AGBL1: variants seen among roughly 807,000 people sequenced by gnomAD.
AGBL1 encodes the protein AGBL carboxypeptidase 1, also known as cytosolic carboxypeptidase 4.
Under a neutral mutation model 118.9 loss-of-function variants are expected in AGBL1, and 130 were observed. That is an observed-to-expected ratio of 1.09 (90% CI 0.95 to 1.26). AGBL1 has a LOEUF of 1.26. Ranked by LOEUF, AGBL1 falls within the 50% of genes most tolerant of loss-of-function variation. The pLI, the probability that AGBL1 is intolerant of heterozygous loss-of-function variation, is 0.00. For synonymous variants in AGBL1, 555 were observed against 478.9 expected, an observed-to-expected ratio of 1.16 and a Z score of -2.08; for missense variants, 1,584 against 1,298.1, an observed-to-expected ratio of 1.22 and a Z score of -3.38.
At chr15:86,515,061 T>C (rs1204648609) in intron 18 of AGBL1, among the ~76,000 whole-genome samples, 1 of 152,226 alleles carries the variant, frequency 6.6e-6, no homozygotes, top group Non-Finnish European at 1.5e-5. Flanking sequence ...ATGCTAATAT[T>C]GTATCCTGCT....
At chr15:86,639,604 T>C (rs1596328965) in intron 21 of AGBL1, among the ~76,000 whole-genome samples, 2 of 152,292 alleles carry the variant, frequency 1.3e-5, no homozygotes, top group East Asian at 3.9e-4. Context: ...TGCTCCGAAA[T>C]TGCTCTCTTC....
At chr15:86,582,034 A>T (rs1351223757) in intron 21 of AGBL1, among the ~76,000 whole-genome samples, 1 of 152,102 alleles carries the variant, frequency 6.6e-6, no homozygotes, top group Non-Finnish European at 1.5e-5. Flanking sequence ...AATTTTTGGT[A>T]GTAGAGGCTG....
intron 22 of AGBL1, among the ~76,000 whole-genome samples, chr15:86,714,585 G>GA (rs1029492831): frequency 2.6e-5 from 4 of 151,972 alleles, no homozygotes; most frequent in Admixed American, 2.0e-4. Context: ...CAAACGTCTA[G>GA]AAAAAAAAGT....
At chr15:86,566,485 G>C (rs2083916394) in intron 21 of AGBL1, among the ~76,000 whole-genome samples, 2 of 152,070 alleles carry the variant, frequency 1.3e-5, no homozygotes, top group South Asian at 2.1e-4. Context: ...CCATCAGCAG[G>C]GTGAATAAGG....
At chr15:86,756,193 A>C (rs1037626586) in intron 22 of AGBL1, among the ~76,000 whole-genome samples, 10 of 152,120 alleles carry the variant, frequency 6.6e-5, no homozygotes, top group African/African-American at 2.4e-4. Flanking sequence ...ATGCAAAAAC[A>C]GCTCACAGAA....
chr15:86,651,557 C>A lies in AGBL1; in HGVS notation c.2995-22716C>A, dbSNP rs139922823. On this transcript the variant is annotated intron_variant, in intron 21 of 22. Coordinates refer to ENST00000614907, the MANE Select transcript of AGBL1 (RefSeq NM_001386094.1). ...AGATGAGTTATTTGGCATATACAAT[C>A]CTCATCCACAATGCTGTTGTCAGGA... 3.6e-4 allele frequency among the ~76,000 whole-genome samples: 55 copies of A among 152,296 alleles called. 2 individuals carry two copies. In the East Asian group the frequency reaches 0.011, roughly 29 times the overall value.
rs141603324 is a variant in AGBL1 at position 86,700,338 on chromosome 15, G to T, written c.3158+25902G>T. ...TTTCTGGCACAGCAGTATGTTCTAG[G>T]TTCATCTTGTACATTCCCCAATTCA... On this transcript the variant is annotated intron_variant, in intron 22 of 22. Transcript: ENST00000614907. Among the ~76,000 whole-genome samples the T allele has an allele frequency of 2.7e-3, 403 of 151,810 alleles. 1 individual carries two copies. Among genetic ancestry groups the T allele is most frequent in the Non-Finnish European group, 5.0e-3 (336 of 67,872 alleles).
chr15:86,489,840 G>A (rs940958937), intron 18 of AGBL1, among the ~76,000 whole-genome samples: 1 of 152,110 alleles, frequency 6.6e-6, no homozygotes, highest in Admixed American at 6.6e-5. Context: ...TTTTTAGGAT[G>A]CCAAGAAAGC....
intron 23 of AGBL1, among the ~76,000 whole-genome samples, chr15:86,965,718 C>T (rs1387113094): frequency 2.0e-5 from 3 of 152,016 alleles, no homozygotes; most frequent in East Asian, 1.9e-4. Context: ...ATGGATGAAG[C>T]TGGAAAAACA....
intron 18 of AGBL1, among the ~76,000 whole-genome samples, chr15:86,521,861 TG>T (rs2083193680): frequency 6.6e-6 from 1 of 151,990 alleles, no homozygotes; most frequent in Admixed American, 6.6e-5. Flanking sequence ...TGGGAGGAGT[TG>T]GGGGTGCTGG....
At position 86,941,602 on chromosome 15, in the gene AGBL1, C is replaced by T. The variant is rs74027183; in HGVS notation, c.3222-46385C>T. Among the ~76,000 whole-genome samples the T allele has an allele frequency of 4.0e-3, 615 of 152,262 alleles. 3 individuals carry two copies. The highest frequency in any genetic ancestry group is 0.014 in the South Asian group (67 of 4,828). ...AGTCACTGTATATAGAGATAATATA[C>T]GTAGAGAAGCCATCCTGGCAGATCT... is the stretch of plus-strand genomic sequence containing the variant. On this transcript the variant is annotated intron_variant, in intron 23 of 24. Transcript: ENST00000441037.
At chr15:86,625,440 G>A (rs926035232) in intron 21 of AGBL1, among the ~76,000 whole-genome samples, 2 of 132,198 alleles carry the variant, frequency 1.5e-5, no homozygotes, top group Non-Finnish European at 3.1e-5. Flanking sequence ...CTAAAAGAAG[G>A]TAATCAAAAG....
chr15:86,828,941 T>C (rs1481482413), intron 22 of AGBL1, among the ~76,000 whole-genome samples: 9 of 133,946 alleles, frequency 6.7e-5, no homozygotes, highest in East Asian at 2.2e-4. Flanking sequence ...TATATATATA[T>C]ACTGTGTATT....
chr15:86,654,160 C>T (rs368106046), intron 21 of AGBL1, among the ~76,000 whole-genome samples: 10 of 152,034 alleles, frequency 6.6e-5, no homozygotes, highest in African/African-American at 2.4e-4. Context: ...AGATCATGTA[C>T]CTGAGTGAAA....
chr15:86,364,636 T>C (rs998869486), intron 17 of AGBL1, among the ~76,000 whole-genome samples: 3 of 152,148 alleles, frequency 2.0e-5, no homozygotes, highest in Non-Finnish European at 4.4e-5. Context: ...CCTACATTAT[T>C]TACTTTGTAA....
chr15:86,706,827 C>T (rs1422492799), intron 22 of AGBL1, among the ~76,000 whole-genome samples: 1 of 152,090 alleles, frequency 6.6e-6, no homozygotes, highest in Admixed American at 6.6e-5. Flanking sequence ...GGCACTTGCA[C>T]TAATTTGTTG....
chr15:86,495,231 T>C (rs781206524), intron 18 of AGBL1, among the ~76,000 whole-genome samples: 2 of 152,006 alleles, frequency 1.3e-5, no homozygotes, highest in South Asian at 4.1e-4. Flanking sequence ...AATGTTTATA[T>C]AGAAATTTTT....
intron 22 of AGBL1, among the ~76,000 whole-genome samples, chr15:86,766,052 C>T (rs923639909): frequency 9.9e-5 from 15 of 151,858 alleles, no homozygotes; most frequent in Admixed American, 2.6e-4. Flanking sequence ...TTACTATGTG[C>T]CCTGCATGTT....
intron 1 of AGBL1, among the ~76,000 whole-genome samples, chr15:86,136,187 A>G (rs1286243897): frequency 6.6e-6 from 1 of 152,156 alleles, no homozygotes; most frequent in East Asian, 1.9e-4. Context: ...TTACCTACCC[A>G]CAAAATCCAT....
Sources: gnomAD v4.1 joint callset for allele counts (sites outside exome capture counted in the v4.1 genomes callset) on GRCh38, gnomAD v4.1.1 for gene constraint, MANE v1.5 for transcripts, NCBI Gene and HGNC (gene_info 2026-07-23, HGNC 2026-07-21) for gene names.